The following C17orf99 variants were observed in gnomAD, a reference collection of about 807,000 sequenced individuals.
C17orf99 encodes protein IL-40.
A neutral mutation model predicts 22.6 loss-of-function variants in C17orf99; 18 were observed. The observed-to-expected ratio is 0.80, with a 90% confidence interval of 0.55 to 1.18. The LOEUF is 1.18. Ranked by LOEUF, C17orf99 falls within the 50% of genes most tolerant of loss-of-function variation. The pLI is 0.00. For synonymous variants in C17orf99, 147 were observed against 136.6 expected, an observed-to-expected ratio of 1.08 and a Z score of -0.53; for missense variants, 328 against 342.7, an observed-to-expected ratio of 0.96 and a Z score of 0.34.
chr17:78,157,798 G>GA (rs60891763), intron 2 of C17orf99: 18,255 of 377,948 alleles, frequency 0.048, 97 homozygotes, highest in African/African-American at 0.06. Context: ...CTCTGTCTCG[G>GA]AAAAAAAAAA....
intron 3 of C17orf99, among the ~76,000 whole-genome samples, chr17:78,163,739 A>G (rs1268978149): frequency 6.6e-6 from 1 of 152,004 alleles, no homozygotes; most frequent in Admixed American, 6.6e-5. Flanking sequence ...GGTGGTGCAC[A>G]CCTGTAGTCC....
intron 2 of C17orf99, among the ~76,000 whole-genome samples, chr17:78,151,037 C>T (rs1324834338): frequency 2.6e-5 from 4 of 151,880 alleles, no homozygotes; most frequent in African/African-American, 4.8e-5. Flanking sequence ...GCAGGAGAAT[C>T]GCTTGAACCC....
chr17:78,166,011 G>T lies in C17orf99; in HGVS notation c.763G>T (p.Gly255Trp). 1 of 1,461,054 alleles carries T rather than the reference G, an allele frequency of 6.8e-7. No individual in the cohort carries two copies. Among genetic ancestry groups the T allele is most frequent in the Non-Finnish European group, 9.1e-7 (1 of 1,092,950 alleles). The allele number at this position is 1,461,054 out of a possible 1,614,324, so 90.5% of individuals were successfully genotyped here. A position where few individuals can be genotyped will look rare whatever the true frequency, so the allele number is the denominator to read the frequency against. The change falls in exon 5 of 5, where the codon GGG becomes TGG. Residue 255 changes from glycine to tryptophan, a missense_variant. Physicochemically the swap from Gly to Trp is radical, Grantham distance 184 (BLOSUM62 -2). Coordinates refer to ENST00000340363, the MANE Select transcript of C17orf99 (RefSeq NM_001163075.2). Reference protein sequence around the residue: ...EEFGGFRIGNGEVRGRKAAAM With the variant: ...EEFGGFRIGNWEVRGRKAAAM The stretch of plus-strand genomic sequence containing the variant: ...GTTTGGGGGGTTCAGGATAGGGAAT[G>T]GGGAGGTCAGAGGACGCAAAGCAGC...
At chr17:78,149,812 G>A (rs1448306669) in intron 2 of C17orf99, among the ~76,000 whole-genome samples, 3 of 150,048 alleles carry the variant, frequency 2.0e-5, no homozygotes, top group Non-Finnish European at 4.4e-5. Context: ...CAGGTTCAAG[G>A]GATTCTCCTG....
chr17:78,150,692 C>T (rs73999653), intron 2 of C17orf99, among the ~76,000 whole-genome samples: 1,693 of 152,262 alleles, frequency 0.011, 25 homozygotes, highest in African/African-American at 0.038. Flanking sequence ...GGATCCACAT[C>T]GCCTGGGACA....
chr17:78,161,278 G>T (rs903614473), intron 3 of C17orf99, 24 bp downstream of exon 3: 4 of 1,542,170 alleles, frequency 2.6e-6, no homozygotes, highest in Non-Finnish European at 3.5e-6. Flanking sequence ...GGGGCACAGG[G>T]CTGAGGAGGC....
At chr17:78,162,437 C>T (rs936811165) in intron 3 of C17orf99, among the ~76,000 whole-genome samples, 2 of 151,662 alleles carry the variant, frequency 1.3e-5, no homozygotes, top group Non-Finnish European at 2.9e-5. Context: ...GGTATGGGAA[C>T]CAGGAAGTGT....
chr17:78,149,687 T>C (rs948826029), intron 2 of C17orf99, among the ~76,000 whole-genome samples: 9 of 151,192 alleles, frequency 6.0e-5, no homozygotes, highest in Non-Finnish European at 1.3e-4. Context: ...GCACACGCCA[T>C]CACACCCAGC....
intron 2 of C17orf99, chr17:78,158,219 G>A (rs1462577094): frequency 1.6e-6 from 1 of 634,438 alleles, no homozygotes. Flanking sequence ...GGTGGTGGCA[G>A]CAGTGATCCT....
At chr17:78,147,002 G>A (rs2075442607) in intron 2 of C17orf99, 91 bp downstream of exon 2, 2 of 1,118,024 alleles carry the variant, frequency 1.8e-6, no homozygotes, top group South Asian at 2.7e-5. Context: ...GGCTGGGAAG[G>A]GAGTTACTAG....
chr17:78,157,688 T>C, intron 2 of C17orf99: 1 of 441,620 alleles, frequency 2.3e-6, no homozygotes, highest in Non-Finnish European at 4.0e-6. Context: ...TCCCAGCTAC[T>C]CTGGAGGCTG....
At chr17:78,165,830 C>T (rs1165222872) in intron 4 of C17orf99, 59 bp from the exon 5 acceptor site, 30 of 1,279,172 alleles carry the variant, frequency 2.3e-5, no homozygotes, top group African/African-American at 4.6e-5. Flanking sequence ...TCAGACGCCT[C>T]GGGAGGGGAT....
intron 2 of C17orf99, among the ~76,000 whole-genome samples, chr17:78,151,233 T>C (rs118112716): frequency 0.011 from 1,681 of 151,830 alleles, 25 homozygotes; most frequent in South Asian, 0.046. Flanking sequence ...CAGACCAGCC[T>C]GGCCAACATG....
At chr17:78,148,607 G>A (rs1417101843) in intron 2 of C17orf99, among the ~76,000 whole-genome samples, 1 of 152,124 alleles carries the variant, frequency 6.6e-6, no homozygotes, top group Non-Finnish European at 1.5e-5. Context: ...GTAGGGGAAG[G>A]AGGGCAGCAT....
At chr17:78,159,542 G>C (rs534874762) in intron 2 of C17orf99, among the ~76,000 whole-genome samples, 39 of 150,758 alleles carry the variant, frequency 2.6e-4, no homozygotes, top group African/African-American at 8.6e-4. Context: ...TGGAGGCTGA[G>C]GCACGAGAAT....
intron 2 of C17orf99, among the ~76,000 whole-genome samples, chr17:78,153,277 T>C (rs1567817991): frequency 1.3e-5 from 2 of 150,198 alleles, no homozygotes; most frequent in African/African-American, 4.9e-5. Flanking sequence ...TGAGCTCAGG[T>C]GTTCAAGACC....
chr17:78,164,321 C>T lies in C17orf99; in HGVS notation c.597C>T (p.Asn199=). ...ACTGGTTCTGGTGCCAGGCTGCAAACAACGCCAATGTCCAGCACAGCGCCC... is the reference window on the plus strand; with the variant it reads ...ACTGGTTCTGGTGCCAGGCTGCAAATAACGCCAATGTCCAGCACAGCGCCC... ...TSDWFWCQAA[N]NANVQHSALT... is the part of the protein sequence containing the mutation. The change falls in exon 4 of 5, where the codon AAC becomes AAT. Residue 199 remains asparagine, a synonymous_variant. Coordinates refer to ENST00000340363, the MANE Select transcript of C17orf99 (RefSeq NM_001163075.2). The T allele has an allele frequency of 6.4e-7, 1 of 1,551,610 alleles. No homozygotes were observed. The highest frequency in any genetic ancestry group is 1.4e-5 in the African/African-American group (1 of 73,204).
chr17:78,158,019 T>C (rs2075541928), intron 2 of C17orf99: 4 of 1,368,518 alleles, frequency 2.9e-6, no homozygotes, highest in Admixed American at 1.7e-5. Context: ...TTCCAGCTGA[T>C]TGGCATCCAG....
At chr17:78,159,138 TA>T (rs59978970) in intron 2 of C17orf99, 95,892 of 151,524 alleles carry the variant, frequency 0.63, 30,896 homozygotes, top group African/African-American at 0.75. Context: ...TAATATGATT[TA>T]AAAAAAAAAG....
Sources: gnomAD v4.1 joint callset for allele counts (sites outside exome capture counted in the v4.1 genomes callset) on GRCh38, gnomAD v4.1.1 for gene constraint, MANE v1.5 for transcripts, NCBI Gene and HGNC (gene_info 2026-07-23, HGNC 2026-07-21) for gene names.